The following ANO5 variants were observed in gnomAD, a reference collection of about 807,000 sequenced individuals.
ANO5 encodes the protein anoctamin-5.
In ANO5, 109 loss-of-function variants were observed where a neutral mutation model predicts 121.0. The observed-to-expected ratio is 0.90, with a 90% CI of 0.77 to 1.06. The LOEUF (loss-of-function observed/expected upper bound fraction) is 1.06. Among genes scored for constraint, ANO5 ranks in the 50% least tolerant of loss-of-function variants. The pLI is 0.00. For missense variants in ANO5, 1,064 were observed against 1,078.5 expected, an observed-to-expected ratio of 0.99 and a Z score of 0.19; for synonymous variants, 406 against 359.9, an observed-to-expected ratio of 1.13 and a Z score of -1.45.
intron 9 of ANO5, among the ~76,000 whole-genome samples, chr11:22,245,511 T>A (rs1041860340): frequency 2.0e-5 from 3 of 152,208 alleles, no homozygotes; most frequent in African/African-American, 7.2e-5. Context: ...TTTTCTTGTA[T>A]CAGCAAATAT....
At chr11:22,226,146 G>A (rs1852825200) in intron 6 of ANO5, 94 bp downstream of exon 6, 2 of 1,010,566 alleles carry the variant, frequency 2.0e-6, no homozygotes, top group Non-Finnish European at 1.5e-6. Flanking sequence ...GTGTTTGGGG[G>A]CAATACAATA....
rs375611559 is a variant in ANO5 at position 22,259,579 on chromosome 11, A to G, written c.1468A>G (p.Thr490Ala). Residue 490 changes from threonine to alanine, a missense_variant, in exon 15 of 22, where the codon ACA becomes GCA. Coordinates refer to ENST00000324559, the MANE Select transcript of ANO5 (RefSeq NM_213599.3). ...TGTGTACCGCCTGTCAGTCTTTGCT[A>G]CATTTGCTAGTTTCATGGAAAGTGA... ...VIVYRLSVFA[T>A]FASFMESDAS... is the part of the protein sequence containing the mutation. 129 of 1,614,012 alleles carry G rather than the reference A, an allele frequency of 8.0e-5. No individual in the cohort carries two copies. Among genetic ancestry groups the G allele is most frequent in the Non-Finnish European group, 9.6e-5 (113 of 1,180,006 alleles).
chr11:22,196,002 A>C (rs1851799628), intron 1 of ANO5, among the ~76,000 whole-genome samples: 1 of 152,112 alleles, frequency 6.6e-6, no homozygotes, highest in Admixed American at 6.5e-5. Context: ...TGACTCGTAT[A>C]TTTTTAGATG....
intron 17 of ANO5, among the ~76,000 whole-genome samples, chr11:22,267,304 T>C (rs1854399511): frequency 6.6e-6 from 1 of 151,792 alleles, no homozygotes; most frequent in South Asian, 2.1e-4. Context: ...ACGTTTGATA[T>C]GAGATACAAG....
intron 5 of ANO5, 120 bp downstream of exon 5, chr11:22,221,330 G>A (rs183927560): frequency 1.2e-6 from 1 of 817,012 alleles, no homozygotes; most frequent in East Asian, 2.7e-5. Context: ...ACTGAAAACT[G>A]AAACTGAATG....
intron 1 of ANO5, among the ~76,000 whole-genome samples, chr11:22,197,399 G>C (rs1023270745): frequency 6.7e-6 from 1 of 149,996 alleles, no homozygotes; most frequent in Non-Finnish European, 1.5e-5. Flanking sequence ...CTGGAGTGCA[G>C]TGGTGTGATC....
At chr11:22,257,392 T>C (rs917155112) in intron 13 of ANO5, among the ~76,000 whole-genome samples, 1 of 152,220 alleles carries the variant, frequency 6.6e-6, no homozygotes, top group Non-Finnish European at 1.5e-5. Flanking sequence ...TTATTCATTA[T>C]TTGACTTTAT....
At chr11:22,257,078 TTTTTG>T (rs967484440) in intron 13 of ANO5, among the ~76,000 whole-genome samples, 16 of 140,212 alleles carry the variant, frequency 1.1e-4, no homozygotes, top group South Asian at 4.3e-4. Context: ...CAGCGTTTTT[TTTTTG>T]TTTGTTTGTT....
chr11:22,195,144 C>T (rs1272988131), intron 1 of ANO5, among the ~76,000 whole-genome samples: 1 of 152,082 alleles, frequency 6.6e-6, no homozygotes, highest in African/African-American at 2.4e-5. Context: ...AGTGGTATCT[C>T]AGTGTGATTT....
intron 9 of ANO5, among the ~76,000 whole-genome samples, chr11:22,240,009 C>CT (rs1036121567): frequency 6.6e-6 from 1 of 152,010 alleles, no homozygotes. Flanking sequence ...AATATTACTA[C>CT]TTTTTAGCAC....
At position 22,276,131 on chromosome 11, in the gene ANO5, A is replaced by G. The variant is rs1854838013; in HGVS notation, c.2452A>G (p.Lys818Glu). 6.2e-7 allele frequency: 1 copy of G among 1,611,298 alleles called. No individual in the cohort carries two copies. The highest frequency in any genetic ancestry group is 1.3e-5 in the African/African-American group (1 of 74,776). The change falls in exon 21 of 22, where the codon AAA becomes GAA. Residue 818 changes from lysine to glutamate, a missense_variant. Physicochemically the swap from Lys to Glu is moderately conservative, Grantham distance 56. Transcript: ENST00000324559. ...DYRYPPDDEN[K>E]YFHNMQFWHV... is the part of the protein sequence containing the mutation. ...CAGATATCCTCCTGATGACGAGAAT[A>G]AATATTTTCATAATATGCAATTCTG...
intron 20 of ANO5, 81 bp downstream of exon 20, chr11:22,274,828 T>G: frequency 6.6e-7 from 1 of 1,509,852 alleles, no homozygotes; most frequent in Non-Finnish European, 9.0e-7. Flanking sequence ...CTTTCTGTCT[T>G]ACAATATAAA....
At chr11:22,261,039 C>A (rs1854171153) in intron 15 of ANO5, among the ~76,000 whole-genome samples, 2 of 152,164 alleles carry the variant, frequency 1.3e-5, no homozygotes, top group African/African-American at 2.4e-5. Context: ...TGGAAATCAT[C>A]CCTGCCCTTG....
At position 22,221,219 on chromosome 11, in the gene ANO5, A is replaced by G. The variant is rs369462468; in HGVS notation, c.294+9A>G. Reference sequence around the variant, plus strand: ...ACGCAGAGTTAAAGGCGGTAAGTGCATTATAACAGAAGTGGGAATAATAAA... The same window carrying G: ...ACGCAGAGTTAAAGGCGGTAAGTGCGTTATAACAGAAGTGGGAATAATAAA... On this transcript the variant is annotated intron_variant, in intron 5 of 21. Coordinates refer to ENST00000324559, the MANE Select transcript of ANO5 (RefSeq NM_213599.3). 15 of 1,568,386 alleles carry G rather than the reference A, an allele frequency of 9.6e-6. No individual in the cohort carries two copies. The African/African-American group carries it at 1.4e-4, about 14-fold the overall frequency.
At chr11:22,273,077 T>C in intron 19 of ANO5, 88 bp downstream of exon 19, 1 of 1,305,748 alleles carries the variant, frequency 7.7e-7, no homozygotes, top group Non-Finnish European at 1.1e-6. Flanking sequence ...TTTACATGAT[T>C]TCATTATGGT....
intron 19 of ANO5, among the ~76,000 whole-genome samples, chr11:22,274,098 C>T (rs1302451557): frequency 6.6e-6 from 1 of 151,764 alleles, no homozygotes; most frequent in African/African-American, 2.4e-5. Context: ...ATTAATTGCA[C>T]CCAACTGTGA....
intron 14 of ANO5, among the ~76,000 whole-genome samples, chr11:22,259,029 A>C (rs1027412283): frequency 1.3e-5 from 2 of 151,438 alleles, no homozygotes; most frequent in Non-Finnish European, 2.9e-5. Context: ...TCTACTAAGG[A>C]GGCTGAGGCA....
chr11:22,277,214 G>GA (rs998780423), intron 21 of ANO5, among the ~76,000 whole-genome samples: 3 of 150,890 alleles, frequency 2.0e-5, no homozygotes, highest in South Asian at 2.1e-4. Flanking sequence ...GAGAGAGGGG[G>GA]AAAAAAAACT....
intron 7 of ANO5, among the ~76,000 whole-genome samples, chr11:22,232,857 T>C (rs1202095654): frequency 1.3e-5 from 2 of 152,036 alleles, no homozygotes; most frequent in African/African-American, 4.8e-5. Context: ...TCTGTTTTTG[T>C]GTCAGTACTT....
Sources: allele counts gnomAD v4.1 joint callset (sites outside exome capture counted in the v4.1 genomes callset), GRCh38; gene constraint gnomAD v4.1.1; transcripts MANE v1.5; gene names NCBI Gene and HGNC (gene_info 2026-07-23, HGNC 2026-07-21).